The following DLG2 variants were observed in gnomAD, a reference collection of about 807,000 sequenced individuals.
The protein encoded by DLG2 is discs large MAGUK scaffold protein 2.
Under a neutral mutation model 132.5 loss-of-function variants are expected in DLG2, and 45 were observed. The ratio of observed to expected loss-of-function variants is 0.34; its 90% CI spans 0.27 to 0.44. The LOEUF (loss-of-function observed/expected upper bound fraction) is 0.44. DLG2 is among the 20% of genes least tolerant of loss of function. The probability of loss-of-function intolerance (pLI) is 1.00; values close to 1 mark genes in which losing one functional copy is unlikely to be tolerated. For synonymous variants in DLG2, 424 were observed against 419.6 expected, an observed-to-expected ratio of 1.01 and a Z score of -0.13; for missense variants, 1,045 against 1,196.9, an observed-to-expected ratio of 0.87 and a Z score of 1.87.
intron 4 of DLG2, among the ~76,000 whole-genome samples, chr11:85,184,428 C>T (rs575019499): frequency 1.3e-5 from 2 of 150,914 alleles, no homozygotes; most frequent in African/African-American, 4.9e-5. Flanking sequence ...AATAAATAAG[C>T]TCCCATTTTG....
chr11:85,507,889 G>C (rs2093971507), intron 3 of DLG2, among the ~76,000 whole-genome samples: 1 of 152,094 alleles, frequency 6.6e-6, no homozygotes, highest in Non-Finnish European at 1.5e-5. Flanking sequence ...ATAGTTATTG[G>C]AGGCTTTGTT....
intron 3 of DLG2, among the ~76,000 whole-genome samples, chr11:85,474,818 A>G (rs1487421574): frequency 6.6e-6 from 1 of 151,624 alleles, no homozygotes; most frequent in Non-Finnish European, 1.5e-5. Flanking sequence ...ATTTAAATTT[A>G]AATGGCCACA....
At chr11:83,846,940 CCAAAA>C (rs1260675840) in intron 16 of DLG2, among the ~76,000 whole-genome samples, 32 of 58,152 alleles carry the variant, frequency 5.5e-4, no homozygotes, top group South Asian at 1.8e-3. Context: ...ATCTCCCAAG[CCAAAA>C]AAAAAAAAAA....
intron 6 of DLG2, among the ~76,000 whole-genome samples, chr11:84,657,216 C>G (rs1437254649): frequency 1.3e-5 from 2 of 152,106 alleles, no homozygotes; most frequent in East Asian, 3.9e-4. Context: ...CTATTTTAAT[C>G]TAATGGCCAA....
intron 6 of DLG2, among the ~76,000 whole-genome samples, chr11:84,559,187 A>G (rs2099418118): frequency 6.6e-6 from 1 of 152,144 alleles, no homozygotes. Flanking sequence ...TAGAGTACCC[A>G]ACAAAGTGCT....
intron 16 of DLG2, among the ~76,000 whole-genome samples, chr11:83,844,080 T>C (rs2058132298): frequency 6.6e-6 from 1 of 152,088 alleles, no homozygotes; most frequent in Admixed American, 6.5e-5. Flanking sequence ...GATGGCTGCA[T>C]GAATAGGACT....
chr11:84,498,527 A>G (rs1161818653), intron 7 of DLG2, among the ~76,000 whole-genome samples: 1 of 152,182 alleles, frequency 6.6e-6, no homozygotes. Context: ...AATTATAATC[A>G]CCTAAATAAT....
chr11:83,703,051 C>A (rs2083244939), intron 18 of DLG2, among the ~76,000 whole-genome samples: 1 of 152,242 alleles, frequency 6.6e-6, no homozygotes, highest in African/African-American at 2.4e-5. Context: ...TCCAGCATTT[C>A]ACAGACAAGA....
intron 3 of DLG2, among the ~76,000 whole-genome samples, chr11:85,581,336 G>C (rs943489345): frequency 1.3e-5 from 2 of 152,092 alleles, no homozygotes; most frequent in Non-Finnish European, 2.9e-5. Context: ...TCTCTGGCCA[G>C]GCACAGTGGC....
intron 15 of DLG2, among the ~76,000 whole-genome samples, chr11:83,893,162 G>A (rs911820548): frequency 2.0e-5 from 3 of 152,078 alleles, no homozygotes; most frequent in Admixed American, 6.5e-5. Flanking sequence ...GAAACAATAC[G>A]CTCTCTTAGT....
At chr11:84,807,589 C>T (rs1252483060) in intron 6 of DLG2, among the ~76,000 whole-genome samples, 1 of 151,992 alleles carries the variant, frequency 6.6e-6, no homozygotes, top group Non-Finnish European at 1.5e-5. Flanking sequence ...AAAAAATAAG[C>T]CAACTCTATG....
chr11:84,125,453 A>G (rs1334865429), intron 9 of DLG2, among the ~76,000 whole-genome samples: 1 of 152,232 alleles, frequency 6.6e-6, no homozygotes, highest in African/African-American at 2.4e-5. Flanking sequence ...CCCTCCAAAC[A>G]GAGGCTTCTA....
At chr11:84,267,113 C>A (rs2097649129) in intron 7 of DLG2, among the ~76,000 whole-genome samples, 1 of 152,174 alleles carries the variant, frequency 6.6e-6, no homozygotes, top group African/African-American at 2.4e-5. Context: ...TAGGTTCTTT[C>A]CTGGTCTTAC....
At chr11:85,260,933 G>A (rs1282477706) in intron 4 of DLG2, among the ~76,000 whole-genome samples, 2 of 152,168 alleles carry the variant, frequency 1.3e-5, no homozygotes, top group Non-Finnish European at 1.5e-5. Flanking sequence ...TGGGGAACTA[G>A]GAGGTTAAAA....
chr11:85,474,091 A>G (rs917101062), intron 3 of DLG2, among the ~76,000 whole-genome samples: 3 of 152,068 alleles, frequency 2.0e-5, no homozygotes, highest in East Asian at 3.8e-4. Context: ...AAGTATAACA[A>G]TGAAGAAATA....
intron 7 of DLG2, among the ~76,000 whole-genome samples, chr11:84,369,526 T>G (rs1165413692): frequency 6.6e-6 from 1 of 152,108 alleles, no homozygotes; most frequent in African/African-American, 2.4e-5. Context: ...ACAAAGCTTT[T>G]CTTGGGGGGA....
At chr11:85,287,853 C>T (rs1008538937) in intron 3 of DLG2, among the ~76,000 whole-genome samples, 10 of 151,916 alleles carry the variant, frequency 6.6e-5, no homozygotes, top group Admixed American at 2.0e-4. Flanking sequence ...AGAAAAATAA[C>T]GTTGGGTGAA....
At chr11:85,094,858 CCTAT>C (rs1348763446) in intron 6 of DLG2, among the ~76,000 whole-genome samples, 5 of 152,162 alleles carry the variant, frequency 3.3e-5, no homozygotes, top group Non-Finnish European at 5.9e-5. Context: ...TAGTTTTCAG[CCTAT>C]CTTGGCTTTC....
chr11:84,187,249 A>G (rs1189698094), intron 8 of DLG2, among the ~76,000 whole-genome samples: 1 of 151,862 alleles, frequency 6.6e-6, no homozygotes, highest in African/African-American at 2.4e-5. Context: ...GAGCTGGTAT[A>G]TCTTTATTAT....
Sources: gnomAD v4.1 joint callset for allele counts (sites outside exome capture counted in the v4.1 genomes callset) on GRCh38, gnomAD v4.1.1 for gene constraint, MANE v1.5 for transcripts, NCBI Gene and HGNC (gene_info 2026-07-23, HGNC 2026-07-21) for gene names.